The following SEMA5A variants were observed in gnomAD, a reference collection of about 807,000 sequenced individuals.
SEMA5A encodes semaphorin-5A.
SEMA5A carries 55 observed loss-of-function variants against 135.5 expected under a neutral mutation model. The ratio of observed to expected loss-of-function variants is 0.41; its 90% CI spans 0.33 to 0.51. The LOEUF is 0.51. Ranked by LOEUF, SEMA5A falls within the 20% of genes least tolerant of loss-of-function variation. The pLI, the probability that SEMA5A is intolerant of heterozygous loss-of-function variation, is 0.37. For missense variants in SEMA5A, 1,290 were observed against 1,419.9 expected, an observed-to-expected ratio of 0.91 and a Z score of 1.47; for synonymous variants, 580 against 546.5, an observed-to-expected ratio of 1.06 and a Z score of -0.85.
chr5:9,496,144 A>G (rs1735289245), intron 1 of SEMA5A, among the ~76,000 whole-genome samples: 2 of 152,180 alleles, frequency 1.3e-5, no homozygotes, highest in African/African-American at 2.4e-5. Context: ...TCCTGGGTTC[A>G]AGCAGTTCTC....
chr5:9,506,617 A>G (rs1209720730), intron 1 of SEMA5A, among the ~76,000 whole-genome samples: 1 of 152,234 alleles, frequency 6.6e-6, no homozygotes, highest in East Asian at 1.9e-4. Context: ...ATGGGGTCCA[A>G]AATCTCAGTA....
intron 11 of SEMA5A, among the ~76,000 whole-genome samples, chr5:9,163,552 TCTCA>T (rs1414967930): frequency 1.3e-5 from 2 of 152,180 alleles, no homozygotes; most frequent in East Asian, 3.9e-4. Flanking sequence ...TGTAACAATA[TCTCA>T]TTTGTAAGGT....
chr5:9,208,317 G>C (rs1746160975), intron 8 of SEMA5A, among the ~76,000 whole-genome samples: 3 of 152,298 alleles, frequency 2.0e-5, no homozygotes. Flanking sequence ...CAGTGGCAGG[G>C]ACCATGCTAC....
rs78890699 is a variant in SEMA5A, at chr5:9,504,524, G to T, written c.-175+41060C>A. Among the ~76,000 whole-genome samples the T allele has an allele frequency of 4.7e-3, 713 of 152,282 alleles. 5 individuals are homozygous for T. Among genetic ancestry groups the T allele is most frequent in the African/African-American group, 0.016 (682 of 41,552 alleles). On this transcript the variant is annotated intron_variant, in intron 1 of 22. Transcript: ENST00000382496. Reference sequence around the variant, plus strand: ...AGGTAATAAACCAATAAGTACCGGGGTCTCAAATGCAACAGCAGGTAAGCA... The same window carrying T: ...AGGTAATAAACCAATAAGTACCGGGTTCTCAAATGCAACAGCAGGTAAGCA...
chr5:9,197,747 TGTGTGTGTGTGTG>T lies in SEMA5A; in HGVS notation c.933-457_933-445del, dbSNP rs1745485603. Among the ~76,000 whole-genome samples the T allele has an allele frequency of 1.3e-4, 18 of 134,250 alleles. 1 individual carries two copies. The highest frequency in any genetic ancestry group is 9.7e-4 in the South Asian group (4 of 4,132). 88.1% of individuals were successfully genotyped at this position (134,250 alleles called of 152,430 possible). A position where few individuals can be genotyped will look rare whatever the true frequency, so the allele number is the denominator to read the frequency against. On this transcript the variant is annotated intron_variant, in intron 9 of 22. Transcript: ENST00000382496. Reference sequence around the variant, plus strand: ...AGCTGTTTGTGTGTGTGTGTGTGTGTGTGTGTGTGTGTGTGTGTGTGTGTGTGTGTGTGTGTGT... The same window carrying T: ...AGCTGTTTGTGTGTGTGTGTGTGTGTTGTGTGTGTGTGTGTGTGTGTGTGT...
chr5:9,231,392 A>T (rs974712750), intron 6 of SEMA5A, among the ~76,000 whole-genome samples: 1 of 142,658 alleles, frequency 7.0e-6, no homozygotes, highest in Admixed American at 7.5e-5. Flanking sequence ...TCTTGAACTC[A>T]GGAGGCGGAG....
intron 15 of SEMA5A, among the ~76,000 whole-genome samples, chr5:9,109,398 C>CA (rs372056734): frequency 1.3e-3 from 205 of 152,098 alleles, no homozygotes; most frequent in African/African-American, 4.8e-3. Context: ...AGTAAACAAA[C>CA]AAAAAACAAA....
chr5:9,101,621 AT>A (rs1488929488), intron 16 of SEMA5A, among the ~76,000 whole-genome samples: 1 of 152,230 alleles, frequency 6.6e-6, no homozygotes. Flanking sequence ...TTCTAGGATT[AT>A]AAAATGGTAT....
chr5:9,216,958 G>T (rs771174534), intron 8 of SEMA5A, among the ~76,000 whole-genome samples: 20 of 152,110 alleles, frequency 1.3e-4, no homozygotes, highest in Non-Finnish European at 1.9e-4. Flanking sequence ...GCCCTTTAAG[G>T]GGAGCATTTA....
intron 3 of SEMA5A, among the ~76,000 whole-genome samples, chr5:9,351,974 C>G (rs558568372): frequency 3.9e-5 from 6 of 152,212 alleles, no homozygotes; most frequent in African/African-American, 9.6e-5. Context: ...CAAGGAGACC[C>G]CCTTAGCCTT....
At chr5:9,362,883 C>A (rs16882559) in intron 3 of SEMA5A, among the ~76,000 whole-genome samples, 5,128 of 152,244 alleles carry the variant, frequency 0.034, 108 homozygotes, top group South Asian at 0.048. Flanking sequence ...TGCAAATGCA[C>A]AAATGAGAAA....
chr5:9,139,594 G>C (rs1031813572), intron 12 of SEMA5A, among the ~76,000 whole-genome samples: 2 of 152,090 alleles, frequency 1.3e-5, no homozygotes, highest in Non-Finnish European at 2.9e-5. Flanking sequence ...TTCCTGATTT[G>C]ATCTCTTTCA....
intron 18 of SEMA5A, among the ~76,000 whole-genome samples, chr5:9,056,442 C>T (rs925623834): frequency 1.3e-5 from 2 of 152,166 alleles, no homozygotes; most frequent in African/African-American, 4.8e-5. Context: ...AAAACAGAGG[C>T]CGGGCATGGT....
chr5:9,413,070 C>T (rs546432931), intron 2 of SEMA5A, among the ~76,000 whole-genome samples: 2 of 152,102 alleles, frequency 1.3e-5, no homozygotes, highest in Non-Finnish European at 2.9e-5. Flanking sequence ...ATCCTTACTC[C>T]TAGCTATGGG....
intron 1 of SEMA5A, among the ~76,000 whole-genome samples, chr5:9,535,968 C>T (rs1015980239): frequency 3.9e-5 from 6 of 152,072 alleles, no homozygotes; most frequent in African/African-American, 1.2e-4. Context: ...TGTCTATAGG[C>T]GCCAACATGA....
chr5:9,099,687 G>A (rs1180110002), intron 16 of SEMA5A, among the ~76,000 whole-genome samples: 3 of 152,222 alleles, frequency 2.0e-5, no homozygotes, highest in Admixed American at 6.5e-5. Context: ...ACAAAGGGGA[G>A]GGGAAATACA....
Position 9,114,348 on chromosome 5 carries a change from G to T in SEMA5A, c.1925+4650C>A, listed in dbSNP as rs1006500441. Among the ~76,000 whole-genome samples, 3 of 152,192 alleles carry T rather than the reference G, an allele frequency of 2.0e-5. No homozygotes were observed. The East Asian group carries it at 5.8e-4, about 29-fold the overall frequency. ...ATTGCTTAACAATTACAGAGTTTAT[G>T]TTTGGGGCAATGAAAAGTTTTGGAA... On this transcript the variant is annotated intron_variant, in intron 15 of 22. Coordinates refer to ENST00000382496, the MANE Select transcript of SEMA5A (RefSeq NM_003966.3).
intron 2 of SEMA5A, among the ~76,000 whole-genome samples, chr5:9,433,918 G>A (rs1757942309): frequency 2.0e-5 from 3 of 152,152 alleles, no homozygotes; most frequent in Admixed American, 2.0e-4. Context: ...GCTCTTCTGA[G>A]CTAATGAATT....
chr5:9,485,770 T>C (rs559143044), intron 1 of SEMA5A, among the ~76,000 whole-genome samples: 24 of 152,048 alleles, frequency 1.6e-4, no homozygotes, highest in Non-Finnish European at 2.4e-4. Flanking sequence ...TCACAGACTC[T>C]CAAGATGACC....
Sources: allele counts gnomAD v4.1 joint callset (sites outside exome capture counted in the v4.1 genomes callset), GRCh38; gene constraint gnomAD v4.1.1; transcripts MANE v1.5; gene names NCBI Gene and HGNC (gene_info 2026-07-23, HGNC 2026-07-21).